Variants in SEPTIN11 observed in about 807,000 individuals in gnomAD.
The protein encoded by SEPTIN11 is septin 11.
In SEPTIN11, 25 loss-of-function variants were observed where a neutral mutation model predicts 51.4. That is an observed-to-expected ratio of 0.49 (90% CI 0.35 to 0.68). The LOEUF (loss-of-function observed/expected upper bound fraction) is 0.68. Among genes scored for constraint, SEPTIN11 ranks in the 30% least tolerant of loss-of-function variants. The pLI is 0.00. For synonymous variants in SEPTIN11, 174 were observed against 184.1 expected, an observed-to-expected ratio of 0.95 and a Z score of 0.44; for missense variants, 381 against 520.8, an observed-to-expected ratio of 0.73 and a Z score of 2.61.
chr4:77,020,375 C>T (rs1314540143), intron 6 of SEPTIN11, 127 bp from the exon 7 acceptor site: 2 of 1,124,414 alleles, frequency 1.8e-6, no homozygotes, highest in Admixed American at 2.1e-5. Flanking sequence ...AGTAAAGGAT[C>T]TTCAGATGGT....
intron 1 of SEPTIN11, among the ~76,000 whole-genome samples, chr4:76,954,711 C>T (rs1186293432): frequency 2.6e-5 from 4 of 152,208 alleles, no homozygotes; most frequent in African/African-American, 7.2e-5. Flanking sequence ...ATGACAAAGC[C>T]AAGGCACCAG....
In SEPTIN11 at chr4:77,019,165, G is replaced by T; in HGVS notation, c.688G>T (p.Val230Phe). 1.2e-6 allele frequency: 2 copies of T among 1,612,476 alleles called. No individual in the cohort carries two copies. The highest frequency in any genetic ancestry group is 8.5e-7 in the Non-Finnish European group (1 of 1,179,366). The change falls in exon 6 of 10, where the codon GTC becomes TTC. Residue 230 changes from valine (V) to phenylalanine (F), a missense_variant and splice_region_variant. Coordinates refer to ENST00000264893, the MANE Select transcript of SEPTIN11 (RefSeq NM_018243.4). ...TVAEINATMS[V>F]HLPFAVVGST... ...TATTCTCTGTCCTTTTGCTTGGCAG[G>T]TCCATCTCCCATTTGCAGTGGTTGG... is the stretch of plus-strand genomic sequence containing the variant.
chr4:76,950,275 G>A (rs904045), intron 1 of SEPTIN11, among the ~76,000 whole-genome samples: 16,609 of 152,254 alleles, frequency 0.11, 2,001 homozygotes, highest in African/African-American at 0.29. Context: ...ACAGCCAGAA[G>A]GGCGCCGGGT....
At chr4:76,981,995 AG>A (rs1262646036) in intron 1 of SEPTIN11, among the ~76,000 whole-genome samples, 5 of 152,212 alleles carry the variant, frequency 3.3e-5, no homozygotes, top group Non-Finnish European at 5.9e-5. Flanking sequence ...TCGAATACTT[AG>A]TAGCACATCC....
chr4:76,959,375 A>G (rs1215115189), intron 1 of SEPTIN11, among the ~76,000 whole-genome samples: 1 of 151,716 alleles, frequency 6.6e-6, no homozygotes. Flanking sequence ...AGGCCTCCCA[A>G]AATGCTGAGG....
chr4:77,019,102 C>T lies in SEPTIN11; in HGVS notation c.688-63C>T, dbSNP rs547349299. 1.0e-4 allele frequency: 147 copies of T among 1,462,730 alleles called. 1 individual carries two copies. In the East Asian group the frequency reaches 3.5e-3, roughly 35 times the overall value. The allele number at this position is 1,462,730 out of a possible 1,614,324, so 90.6% of individuals were successfully genotyped here. ...TGCAGAAGGAGGGAGAAGATAGAGA[C>T]TGGTGGAAACCAGTCTGTCAGAGCA... On this transcript the variant is annotated intron_variant, in intron 5 of 9. Coordinates refer to ENST00000264893, the MANE Select transcript of SEPTIN11 (RefSeq NM_018243.4).
At chr4:76,961,007 C>T (rs1009006852) in intron 1 of SEPTIN11, among the ~76,000 whole-genome samples, 7 of 152,144 alleles carry the variant, frequency 4.6e-5, no homozygotes, top group African/African-American at 1.7e-4. Context: ...GTTACTTGTC[C>T]TGTGCTCCAT....
intron 3 of SEPTIN11, among the ~76,000 whole-genome samples, chr4:77,011,430 T>A (rs1490876890): frequency 1.3e-5 from 2 of 149,628 alleles, no homozygotes; most frequent in African/African-American, 4.9e-5. Flanking sequence ...AGAGGATGAA[T>A]GTTAGCCAGG....
At chr4:76,980,160 A>G (rs770922929) in intron 1 of SEPTIN11, among the ~76,000 whole-genome samples, 1 of 152,140 alleles carries the variant, frequency 6.6e-6, no homozygotes, top group Non-Finnish European at 1.5e-5. Context: ...CCTTCATCAT[A>G]TAGGTACTCC....
chr4:77,011,092 T>TA (rs1560730769), intron 3 of SEPTIN11, among the ~76,000 whole-genome samples: 1 of 152,216 alleles, frequency 6.6e-6, no homozygotes, highest in Non-Finnish European at 1.5e-5. Context: ...CATAATAGTC[T>TA]AGGCGCCTCA....
intron 2 of SEPTIN11, among the ~76,000 whole-genome samples, chr4:77,001,053 T>C (rs1173856918): frequency 6.6e-6 from 1 of 152,192 alleles, no homozygotes; most frequent in Admixed American, 6.5e-5. Context: ...ACAATCCCTC[T>C]GTTTTTCCCC....
chr4:77,034,676 GT>G lies in SEPTIN11; in HGVS notation c.*165del, dbSNP rs1726908371. ...TCGTTTTGCTGAATGTTGTTGGGTG[GT>G]AGAAAATGATAGAACAAGGGAATAA... On this transcript the variant is annotated 3_prime_UTR_variant, in exon 10 of 10. Coordinates refer to ENST00000264893, the MANE Select transcript of SEPTIN11 (RefSeq NM_018243.4). 3 of 1,325,570 alleles carry G rather than the reference GT, an allele frequency of 2.3e-6. No individual in the cohort carries two copies. The highest frequency in any genetic ancestry group is 4.0e-5 in the Admixed American group (1 of 24,824). The allele number at this position is 1,325,570 out of a possible 1,614,324, so 82.1% of individuals were successfully genotyped here. A position where few individuals can be genotyped will look rare whatever the true frequency, so the allele number is the denominator to read the frequency against.
Position 77,034,492 on chromosome 4 carries a change from T to C in SEPTIN11, c.1275-5T>C, listed in dbSNP as rs762157838. On this transcript the variant is annotated splice_region_variant and splice_polypyrimidine_tract_variant and intron_variant, in intron 9 of 9. Transcript: ENST00000264893. ...AACTTTTTTGTTTTGTTTTTTAACT[T>C]GCAGTGCAAGCTTCACATAAAGCCT... 6.5e-7 allele frequency: 1 copy of C among 1,545,092 alleles called. No homozygotes were observed. The highest frequency in any genetic ancestry group is 2.4e-5 in the East Asian group (1 of 41,958).
chr4:76,965,651 A>G (rs1400846129), intron 1 of SEPTIN11, among the ~76,000 whole-genome samples: 2 of 152,062 alleles, frequency 1.3e-5, no homozygotes, highest in East Asian at 3.9e-4. Flanking sequence ...ATATGAACAG[A>G]CACATTGAAG....
At chr4:77,029,767 T>TATACAC (rs1402215569) in intron 8 of SEPTIN11, among the ~76,000 whole-genome samples, 3 of 150,910 alleles carry the variant, frequency 2.0e-5, no homozygotes, top group African/African-American at 7.3e-5. Context: ...TATATATATA[T>TATACAC]ACACACACAC....
chr4:77,018,915 G>A (rs1376039192), intron 5 of SEPTIN11, among the ~76,000 whole-genome samples: 1 of 152,180 alleles, frequency 6.6e-6, no homozygotes, highest in Non-Finnish European at 1.5e-5. Context: ...GCATCGGCTA[G>A]CACAAGTCTT....
chr4:77,036,378 G>T lies in SEPTIN11; in HGVS notation c.*1866G>T. On this transcript the variant is annotated 3_prime_UTR_variant, in exon 10 of 10. Transcript: ENST00000264893. ...TGGGCTGAATTTGCTCATAGGCTGT[G>T]CATCAGACAAAAGCTTGAATATTTG... 3.7e-6 allele frequency: 4 copies of T among 1,078,566 alleles called. No homozygotes were observed. The highest frequency in any genetic ancestry group is 4.5e-6 in the Non-Finnish European group (4 of 887,440). 66.8% of individuals were successfully genotyped at this position (1,078,566 alleles called of 1,614,324 possible).
intron 1 of SEPTIN11, among the ~76,000 whole-genome samples, chr4:76,971,676 C>T (rs1277626752): frequency 6.6e-6 from 1 of 152,024 alleles, no homozygotes; most frequent in East Asian, 1.9e-4. Context: ...TTAATTGTGA[C>T]CTTTGAATCT....
intron 8 of SEPTIN11, 91 bp from the exon 9 acceptor site, chr4:77,030,692 G>A (rs1726559820): frequency 3.3e-6 from 4 of 1,222,924 alleles, no homozygotes; most frequent in African/African-American, 1.5e-5. Context: ...ACCGTGCCTG[G>A]CCATGTTTTG....
Sources: gnomAD v4.1 joint callset for allele counts (sites outside exome capture counted in the v4.1 genomes callset) on GRCh38, gnomAD v4.1.1 for gene constraint, MANE v1.5 for transcripts, NCBI Gene and HGNC (gene_info 2026-07-23, HGNC 2026-07-21) for gene names.